LMX1B: variants seen among roughly 807,000 people sequenced by gnomAD.
LMX1B encodes LIM homeobox transcription factor 1-beta.
A neutral mutation model predicts 51.4 loss-of-function variants in LMX1B; 12 were observed. The ratio of observed to expected loss-of-function variants is 0.23; its 90% CI spans 0.15 to 0.38. LMX1B has a LOEUF of 0.38. Among genes scored for constraint, LMX1B ranks in the 10% least tolerant of loss-of-function variants. The probability of loss-of-function intolerance (pLI) is 1.00; values close to 1 mark genes in which losing one functional copy is unlikely to be tolerated. For missense variants in LMX1B, 445 were observed against 571.1 expected, an observed-to-expected ratio of 0.78 and a Z score of 2.25; for synonymous variants, 237 against 235.4, an observed-to-expected ratio of 1.01 and a Z score of -0.06.
chr9:126,631,056 C>T (rs1232999144), intron 2 of LMX1B, among the ~76,000 whole-genome samples: 1 of 152,350 alleles, frequency 6.6e-6, no homozygotes, highest in South Asian at 2.1e-4. Flanking sequence ...AGTCGGCAGG[C>T]CTGGAGCCAA....
chr9:126,630,856 A>G (rs1193655004), intron 2 of LMX1B, among the ~76,000 whole-genome samples: 2 of 152,276 alleles, frequency 1.3e-5, no homozygotes, highest in Admixed American at 6.5e-5. Context: ...CAGCCCTCAC[A>G]GGGCCACCTT....
chr9:126,690,295 C>T (rs991722310), intron 2 of LMX1B, among the ~76,000 whole-genome samples: 1 of 152,154 alleles, frequency 6.6e-6, no homozygotes, highest in Non-Finnish European at 1.5e-5. Flanking sequence ...GTGTGTGTGA[C>T]GGTTCCTGTG....
intron 2 of LMX1B, among the ~76,000 whole-genome samples, chr9:126,674,391 G>A (rs542175326): frequency 6.6e-6 from 1 of 152,064 alleles, no homozygotes; most frequent in African/African-American, 2.4e-5. Context: ...GAGGAGGCTG[G>A]GGGGGCATTC....
rs1431865272 is a variant in LMX1B at position 126,671,030 on chromosome 9, A to G, written c.327-19806A>G. Reference sequence around the variant, plus strand: ...TTGTCTGGAGGGGAGTGCAGGACAGATACACAGCCAGGGGCCATGCCAGGT... The same window carrying G: ...TTGTCTGGAGGGGAGTGCAGGACAGGTACACAGCCAGGGGCCATGCCAGGT... On this transcript the variant is annotated intron_variant, in intron 2 of 7. Coordinates refer to ENST00000373474, the MANE Select transcript of LMX1B (RefSeq NM_001174147.2). This position sits in a 1 kb window ranked among gnomAD's most constrained non-coding sequence, Gnocchi z 4.4. 6.6e-6 allele frequency among the ~76,000 whole-genome samples: 1 copy of G among 152,152 alleles called. No individual in the cohort carries two copies. Among genetic ancestry groups the G allele is most frequent in the Non-Finnish European group, 1.5e-5 (1 of 68,040 alleles).
At chr9:126,652,000 T>G (rs1437478988) in intron 2 of LMX1B, among the ~76,000 whole-genome samples, 1 of 148,814 alleles carries the variant, frequency 6.7e-6, no homozygotes, top group Non-Finnish European at 1.5e-5. Context: ...TGGCCAGAGA[T>G]GGGGGGGGGC....
intron 2 of LMX1B, among the ~76,000 whole-genome samples, chr9:126,619,179 C>G (rs1291175755): frequency 6.6e-6 from 1 of 152,212 alleles, no homozygotes; most frequent in African/African-American, 2.4e-5. Flanking sequence ...AAAAAATTTC[C>G]CCCAGCTGGC....
At chr9:126,693,473 C>A in intron 4 of LMX1B, 51 bp from the exon 5 acceptor site, 2 of 1,595,772 alleles carry the variant, frequency 1.3e-6, no homozygotes, top group Non-Finnish European at 1.7e-6. Flanking sequence ...CCCACCATCT[C>A]CCCGTTGCTG....
chr9:126,693,366 C>T (rs529857415), intron 4 of LMX1B, 43 bp downstream of exon 4: 50 of 1,570,836 alleles, frequency 3.2e-5, no homozygotes, highest in South Asian at 2.3e-4. Context: ...GATGCCCGCA[C>T]ACCCACTGCC....
intron 2 of LMX1B, among the ~76,000 whole-genome samples, chr9:126,635,616 G>T (rs527978837): frequency 2.0e-5 from 3 of 152,296 alleles, no homozygotes; most frequent in Admixed American, 6.5e-5. Flanking sequence ...CTGTAAAATT[G>T]TTATTCTAAA....
At chr9:126,686,330 G>A (rs1043826995) in intron 2 of LMX1B, among the ~76,000 whole-genome samples, 1 of 150,372 alleles carries the variant, frequency 6.7e-6, no homozygotes, top group Admixed American at 6.6e-5. Flanking sequence ...ATGTTCAAAT[G>A]CTCCTGAAAA....
chr9:126,693,647 C>A, intron 5 of LMX1B, 46 bp downstream of exon 5: 1 of 1,610,954 alleles, frequency 6.2e-7, no homozygotes, highest in South Asian at 1.1e-5. Flanking sequence ...TAGGGTGGGA[C>A]TAGAGGGGGC....
At chr9:126,653,142 CTTTTTTTTTT>C (rs5900715) in intron 2 of LMX1B, among the ~76,000 whole-genome samples, 295 of 55,408 alleles carry the variant, frequency 5.3e-3, no homozygotes, top group African/African-American at 0.02. Context: ...CAAGTAGATG[CTTTTTTTTTT>C]TTTTTTTTTT....
In LMX1B at chr9:126,677,061, G is replaced by T. The variant is rs1171641218; in HGVS notation, c.327-13775G>T. On this transcript the variant is annotated intron_variant, in intron 2 of 7. Transcript: ENST00000373474. This position sits in a 1 kb window ranked among gnomAD's most constrained non-coding sequence, Gnocchi z 5.0. ...GGGCGGCTGGGGCGGGGCATGGGGCGATCAGTTACCCACTAAATGGGCGGG... is the reference window on the plus strand; with the variant it reads ...GGGCGGCTGGGGCGGGGCATGGGGCTATCAGTTACCCACTAAATGGGCGGG... Among the ~76,000 whole-genome samples the T allele has an allele frequency of 2.6e-5, 4 of 152,178 alleles. No individual in the cohort carries two copies. The highest frequency in any genetic ancestry group is 6.5e-5 in the Admixed American group (1 of 15,280).
Position 126,677,981 on chromosome 9 carries a change from A to G in LMX1B, c.327-12855A>G, listed in dbSNP as rs1052861259. Among the ~76,000 whole-genome samples the G allele has an allele frequency of 6.6e-5, 10 of 152,282 alleles. No individual in the cohort carries two copies. The highest frequency in any genetic ancestry group is 1.2e-4 in the Non-Finnish European group (8 of 68,030). ...GAGCTACCATGCCTCAAGGTCTTAT[A>G]TGGACAGACTCAGGCTCATTCAGAG... On this transcript the variant is annotated intron_variant, in intron 2 of 7. Transcript: ENST00000373474. This position sits in a 1 kb window ranked among gnomAD's most constrained non-coding sequence, Gnocchi z 5.0.
At chr9:126,639,173 G>C (rs955150377) in intron 2 of LMX1B, among the ~76,000 whole-genome samples, 2 of 151,932 alleles carry the variant, frequency 1.3e-5, no homozygotes, top group African/African-American at 4.8e-5. Flanking sequence ...GAGGAGGGGA[G>C]GGAGAGACAG....
chr9:126,675,973 C>T (rs1407690797), intron 2 of LMX1B, among the ~76,000 whole-genome samples: 13 of 147,278 alleles, frequency 8.8e-5, no homozygotes, highest in Admixed American at 2.1e-4. Flanking sequence ...GGCGTGAACC[C>T]GGGAGGCGGA....
chr9:126,675,450 G>T (rs894539617), intron 2 of LMX1B, among the ~76,000 whole-genome samples: 1 of 152,232 alleles, frequency 6.6e-6, no homozygotes, highest in Non-Finnish European at 1.5e-5. Context: ...ATGTTGGCCG[G>T]GTGCGGTGGC....
At position 126,615,674 on chromosome 9, in the gene LMX1B, G is replaced by A. The variant is rs1398991687; in HGVS notation, c.326+105G>A. The A allele has an allele frequency of 9.6e-7, 1 of 1,041,104 alleles. No homozygotes were observed. The highest frequency in any genetic ancestry group is 1.3e-6 in the Non-Finnish European group (1 of 747,742). The allele number at this position is 1,041,104 out of a possible 1,614,324, so 64.5% of individuals were successfully genotyped here. Reference sequence around the variant, plus strand: ...CCGCTCTGCCGCCGGCTCTGTGCGCGGCTGGGCCGGGCAGCTCCAAGGGTT... The same window carrying A: ...CCGCTCTGCCGCCGGCTCTGTGCGCAGCTGGGCCGGGCAGCTCCAAGGGTT... On this transcript the variant is annotated intron_variant, in intron 2 of 7. Transcript: ENST00000373474. This position sits in a 1 kb window ranked among gnomAD's most constrained non-coding sequence, Gnocchi z 6.0.
At chr9:126,689,043 A>AAG (rs1179628518) in intron 2 of LMX1B, among the ~76,000 whole-genome samples, 2 of 152,170 alleles carry the variant, frequency 1.3e-5, no homozygotes, top group Non-Finnish European at 2.9e-5. Flanking sequence ...TACAGGAGTA[A>AAG]ACTGAGGTGG....
Sources: gnomAD v4.1 joint callset for allele counts (sites outside exome capture counted in the v4.1 genomes callset) on GRCh38, gnomAD v4.1.1 for gene constraint, Gnocchi (gnomAD v3.1) non-coding constraint, MANE v1.5 for transcripts, NCBI Gene and HGNC (gene_info 2026-07-23, HGNC 2026-07-21) for gene names.